Variants in ARSB observed in about 807,000 individuals in gnomAD.
The protein encoded by ARSB is N-acetylgalactosamine-4-sulfatase.
In ARSB, 41 loss-of-function variants were observed where a neutral mutation model predicts 50.9. The ratio of observed to expected loss-of-function variants is 0.81; its 90% confidence interval spans 0.63 to 1.04. The LOEUF is 1.04. ARSB is among the 50% of genes least tolerant of loss of function. ARSB has a pLI of 0.00. For missense variants in ARSB, 672 were observed against 693.3 expected, an observed-to-expected ratio of 0.97 and a Z score of 0.35; for synonymous variants, 269 against 284.8, an observed-to-expected ratio of 0.94 and a Z score of 0.56.
chr5:78,912,686 T>G (rs1749360747), intron 4 of ARSB, among the ~76,000 whole-genome samples: 2 of 152,212 alleles, frequency 1.3e-5, no homozygotes, highest in South Asian at 4.1e-4. Flanking sequence ...TGATGTCACA[T>G]GGCCCATGAG....
chr5:78,894,002 T>C (rs1363344139), intron 4 of ARSB, among the ~76,000 whole-genome samples: 1 of 152,228 alleles, frequency 6.6e-6, no homozygotes, highest in Non-Finnish European at 1.5e-5. Flanking sequence ...TCACACATTA[T>C]TTGGCTCCCC....
chr5:78,891,916 C>T (rs565147181), intron 4 of ARSB, among the ~76,000 whole-genome samples: 2 of 152,302 alleles, frequency 1.3e-5, no homozygotes, highest in South Asian at 4.1e-4. Flanking sequence ...TCTAATTTCA[C>T]TGAAATGCAG....
chr5:78,920,874 C>T (rs1227731383), intron 4 of ARSB, among the ~76,000 whole-genome samples: 1 of 152,156 alleles, frequency 6.6e-6, no homozygotes, highest in Non-Finnish European at 1.5e-5. Flanking sequence ...TCCCACCCTC[C>T]TTTCTAACTG....
chr5:78,818,709 C>T (rs1204393314), intron 6 of ARSB, among the ~76,000 whole-genome samples: 1 of 144,178 alleles, frequency 6.9e-6, no homozygotes, highest in African/African-American at 2.5e-5. Flanking sequence ...GCTCCGCCTC[C>T]TGGGTCCATG....
intron 5 of ARSB, among the ~76,000 whole-genome samples, chr5:78,867,270 T>G (rs914533475): frequency 2.6e-5 from 4 of 152,100 alleles, no homozygotes; most frequent in Non-Finnish European, 5.9e-5. Context: ...CAGGCTTGCT[T>G]AGGTAAACAA....
chr5:78,867,011 G>A (rs556188976), intron 5 of ARSB, among the ~76,000 whole-genome samples: 6 of 152,358 alleles, frequency 3.9e-5, no homozygotes, highest in South Asian at 4.1e-4. Flanking sequence ...CCTGGGAAGC[G>A]CAAGGGGTCA....
intron 4 of ARSB, among the ~76,000 whole-genome samples, chr5:78,933,532 A>G (rs1250719585): frequency 2.6e-5 from 4 of 151,162 alleles, no homozygotes; most frequent in African/African-American, 9.7e-5. Context: ...TAGAGTCGCT[A>G]TTGTCTGTTT....
chr5:78,892,062 T>C (rs1748322469), intron 4 of ARSB, among the ~76,000 whole-genome samples: 1 of 152,070 alleles, frequency 6.6e-6, no homozygotes, highest in South Asian at 2.1e-4. Flanking sequence ...TGCTAAATAA[T>C]ATTAGCTATT....
chr5:78,834,175 A>G (rs1181815040), intron 6 of ARSB, among the ~76,000 whole-genome samples: 1 of 152,208 alleles, frequency 6.6e-6, no homozygotes, highest in Non-Finnish European at 1.5e-5. Flanking sequence ...TGAAAAAGAT[A>G]GAGACCCTAT....
chr5:78,872,060 A>T (rs901795655), intron 5 of ARSB, among the ~76,000 whole-genome samples: 1 of 150,806 alleles, frequency 6.6e-6, no homozygotes, highest in Non-Finnish European at 1.5e-5. Context: ...AAAACACATG[A>T]AAAAATGCTC....
intron 5 of ARSB, among the ~76,000 whole-genome samples, chr5:78,872,743 C>A (rs1289077406): frequency 6.8e-6 from 1 of 147,080 alleles, no homozygotes; most frequent in Admixed American, 6.8e-5. Flanking sequence ...TGCAGCGTAC[C>A]AGCATGGCAC....
At chr5:78,924,253 A>G (rs1490380255) in intron 4 of ARSB, among the ~76,000 whole-genome samples, 10 of 152,200 alleles carry the variant, frequency 6.6e-5, no homozygotes, top group Non-Finnish European at 1.5e-5. Flanking sequence ...CTTTATCCCT[A>G]TTTTGCAGAT....
chr5:78,943,281 T>C (rs1283339069), intron 4 of ARSB, among the ~76,000 whole-genome samples: 2 of 152,226 alleles, frequency 1.3e-5, no homozygotes, highest in Admixed American at 1.3e-4. Context: ...CCCATTTACA[T>C]TTAAGGTTCA....
intron 2 of ARSB, 60 bp downstream of exon 2, chr5:78,968,946 G>A (rs1400281992): frequency 4.4e-6 from 7 of 1,578,620 alleles, no homozygotes; most frequent in Non-Finnish European, 6.1e-6. Flanking sequence ...ACTTGGGTGT[G>A]TTTTATGAGA....
At chr5:78,925,766 TC>T (rs1163588956) in intron 4 of ARSB, among the ~76,000 whole-genome samples, 1 of 152,198 alleles carries the variant, frequency 6.6e-6, no homozygotes, top group African/African-American at 2.4e-5. Flanking sequence ...CTGGCACTGG[TC>T]CCCTGTGCTT....
At chr5:78,827,853 C>A (rs1744502735) in intron 6 of ARSB, among the ~76,000 whole-genome samples, 2 of 151,626 alleles carry the variant, frequency 1.3e-5, no homozygotes, top group South Asian at 2.1e-4. Context: ...TAAACTTCCA[C>A]AATTTCTGAT....
chr5:78,971,731 C>A (rs1391022462), intron 1 of ARSB, among the ~76,000 whole-genome samples: 3 of 152,154 alleles, frequency 2.0e-5, no homozygotes, highest in Non-Finnish European at 4.4e-5. Context: ...CCTAAAAGAA[C>A]CACATGGAAT....
intron 4 of ARSB, among the ~76,000 whole-genome samples, chr5:78,931,185 A>G (rs549340857): frequency 7.7e-4 from 118 of 152,358 alleles, no homozygotes; most frequent in Admixed American, 1.4e-3. Flanking sequence ...ACACAAGGAG[A>G]GTAAAATGGG....
intron 2 of ARSB, among the ~76,000 whole-genome samples, chr5:78,967,450 G>A (rs1284503280): frequency 6.6e-6 from 1 of 152,108 alleles, no homozygotes; most frequent in Non-Finnish European, 1.5e-5. Flanking sequence ...CAAGATGGGT[G>A]GGTCACGAGG....
Sources: allele counts gnomAD v4.1 joint callset (sites outside exome capture counted in the v4.1 genomes callset), GRCh38; gene constraint gnomAD v4.1.1; transcripts MANE v1.5; gene names NCBI Gene and HGNC (gene_info 2026-07-23, HGNC 2026-07-21).